ZNF438: variants seen among roughly 807,000 people sequenced by gnomAD.
ZNF438 encodes zinc finger protein 438.
In ZNF438, 25 loss-of-function variants were observed where a neutral mutation model predicts 38.0. The observed-to-expected ratio is 0.66, with a 90% confidence interval of 0.48 to 0.92. The LOEUF is 0.92. Among genes scored for constraint, ZNF438 ranks in the 40% least tolerant of loss-of-function variants. The pLI is 0.00. For synonymous variants in ZNF438, 372 were observed against 364.1 expected (o/e 1.02, Z -0.25); for missense variants, 1,007 against 999.6 (o/e 1.01, Z -0.10).
rs535149220 is a variant in ZNF438 at position 30,934,399 on chromosome 10, T to G, written c.-115+7176A>C. ...AAGGTTTTGTGTAAGGCTAGGAAAATGACTTTAACATTTCTCAGGCTCACT... is the reference window on the plus strand; with the variant it reads ...AAGGTTTTGTGTAAGGCTAGGAAAAGGACTTTAACATTTCTCAGGCTCACT... On this transcript the variant is annotated intron_variant, in intron 2 of 5. Coordinates refer to ENST00000413025, the Ensembl canonical transcript of ZNF438. Among the ~76,000 whole-genome samples, 11 of 152,280 alleles carry G rather than the reference T, an allele frequency of 7.2e-5. No homozygotes were observed. In the South Asian group the frequency reaches 2.3e-3, roughly 32 times the overall value.
chr10:30,969,093 G>T (rs1237189250), intron 1 of ZNF438, among the ~76,000 whole-genome samples: 3 of 152,118 alleles, frequency 2.0e-5, no homozygotes, highest in Non-Finnish European at 4.4e-5. Flanking sequence ...TTGGAAATAA[G>T]ATTTTTTTTT....
intron 1 of ZNF438, among the ~76,000 whole-genome samples, chr10:31,029,803 T>C (rs116825313): frequency 0.01 from 1,526 of 152,354 alleles, 21 homozygotes; most frequent in African/African-American, 0.034. Context: ...TTGACCATCA[T>C]TGGCCACTAC....
At chr10:31,002,469 G>A (rs1036305451) in intron 1 of ZNF438, among the ~76,000 whole-genome samples, 3 of 151,894 alleles carry the variant, frequency 2.0e-5, no homozygotes, top group Non-Finnish European at 4.4e-5. Flanking sequence ...CTTTTCCTTG[G>A]TGAGTTTTCC....
intron 4 of ZNF438, among the ~76,000 whole-genome samples, chr10:30,859,086 T>C (rs117324848): frequency 2.0e-5 from 3 of 152,242 alleles, no homozygotes; most frequent in South Asian, 4.1e-4. Context: ...CACTGTTGTA[T>C]CTGTTTGTTT....
At chr10:30,956,297 G>A (rs777748069) in intron 1 of ZNF438, among the ~76,000 whole-genome samples, 2 of 152,150 alleles carry the variant, frequency 1.3e-5, no homozygotes, top group Non-Finnish European at 2.9e-5. Flanking sequence ...GATAAACTAT[G>A]TTTACGTAAA....
chr10:30,958,932 T>C lies in ZNF438; in HGVS notation c.-191-17281A>G, dbSNP rs970767160. ...GCTGAATAGTATTCCAATGTATAGA[T>C]ATGCCTCATTTTGTTTATCCATTTA... On this transcript the variant is annotated intron_variant, in intron 1 of 5. Coordinates refer to ENST00000413025, the Ensembl canonical transcript of ZNF438. Among the ~76,000 whole-genome samples the C allele has an allele frequency of 4.7e-5, 7 of 147,552 alleles. 1 individual carries two copies. The highest frequency in any genetic ancestry group is 1.7e-4 in the African/African-American group (7 of 41,162).
At chr10:30,964,661 C>T (rs1212163783) in intron 1 of ZNF438, among the ~76,000 whole-genome samples, 8 of 151,976 alleles carry the variant, frequency 5.3e-5, no homozygotes, top group Admixed American at 5.2e-4. Context: ...TTTCTATGAC[C>T]AAGCAGTGTC....
chr10:30,875,152 A>C (rs1437245759), intron 4 of ZNF438, among the ~76,000 whole-genome samples: 1 of 152,154 alleles, frequency 6.6e-6, no homozygotes, highest in African/African-American at 2.4e-5. Context: ...GGTAGGGCCA[A>C]GGGGTCTTAC....
exon 5 of ZNF438, chr10:30,849,796 C>T: frequency 6.2e-7 from 1 of 1,614,172 alleles, no homozygotes; most frequent in Non-Finnish European, 8.5e-7. Context: ...CTGGTGGTCT[C>T]AAGTCCCCAT....
chr10:30,910,226 C>CTATAGGTGAAGGGAAGAGGA (rs2042945181), intron 2 of ZNF438: 1 of 152,084 alleles, frequency 6.6e-6, no homozygotes, highest in African/African-American at 2.4e-5. Context: ...AGAGGAAAGA[C>CTATAGGTGAAGGGAAGAGGA]CATACTTAAA....
At chr10:30,863,781 A>G (rs930816812) in intron 4 of ZNF438, among the ~76,000 whole-genome samples, 3 of 152,070 alleles carry the variant, frequency 2.0e-5, no homozygotes, top group African/African-American at 7.2e-5. Context: ...CTCCCCTCAT[A>G]TTGTAGGTTC....
chr10:30,957,089 T>A (rs879445055), intron 1 of ZNF438, among the ~76,000 whole-genome samples: 1 of 152,238 alleles, frequency 6.6e-6, no homozygotes, highest in Non-Finnish European at 1.5e-5. Flanking sequence ...CCATTCTAAC[T>A]GGGGTAAGAT....
intron 1 of ZNF438, among the ~76,000 whole-genome samples, chr10:31,025,032 G>T (rs948415946): frequency 3.9e-5 from 6 of 152,126 alleles, no homozygotes; most frequent in Admixed American, 2.0e-4. Flanking sequence ...TTAGCTCCAA[G>T]AATTATTTCC....
intron 2 of ZNF438, among the ~76,000 whole-genome samples, chr10:30,931,835 A>C (rs2045732686): frequency 6.6e-6 from 1 of 152,222 alleles, no homozygotes; most frequent in Admixed American, 6.5e-5. Context: ...AAATGAAATA[A>C]TATATCTCAA....
intron 1 of ZNF438, among the ~76,000 whole-genome samples, chr10:30,949,089 C>G (rs1421007378): frequency 1.3e-5 from 2 of 152,078 alleles, no homozygotes; most frequent in African/African-American, 2.4e-5. Flanking sequence ...GAGTGGGGGC[C>G]AATATTCAAC....
At chr10:30,853,096 AATTAC>A (rs2033983760) in intron 4 of ZNF438, among the ~76,000 whole-genome samples, 1 of 152,212 alleles carries the variant, frequency 6.6e-6, no homozygotes. Flanking sequence ...CTTAATAAAT[AATTAC>A]ATTAACAGTA....
intron 1 of ZNF438, among the ~76,000 whole-genome samples, chr10:31,024,238 C>T (rs965415560): frequency 1.3e-5 from 2 of 152,194 alleles, no homozygotes; most frequent in African/African-American, 2.4e-5. Flanking sequence ...TATCTCTAAA[C>T]CAACTTCTTT....
chr10:30,927,545 T>G (rs1435608481), intron 2 of ZNF438, among the ~76,000 whole-genome samples: 1 of 152,244 alleles, frequency 6.6e-6, no homozygotes, highest in African/African-American at 2.4e-5. Flanking sequence ...CTGCCATCCA[T>G]GATTTTTGTC....
intron 2 of ZNF438, among the ~76,000 whole-genome samples, chr10:30,912,233 C>T (rs2043155359): frequency 6.6e-6 from 1 of 152,102 alleles, no homozygotes; most frequent in African/African-American, 2.4e-5. Context: ...GTGCTTGAGC[C>T]CCACTACACC....
Sources: allele counts gnomAD v4.1 joint callset (sites outside exome capture counted in the v4.1 genomes callset), GRCh38; gene constraint gnomAD v4.1.1; transcripts MANE v1.5; gene names NCBI Gene and HGNC (gene_info 2026-07-23, HGNC 2026-07-21).